The following DLG2 variants were observed in gnomAD, a reference collection of about 807,000 sequenced individuals.
DLG2 encodes the protein discs large MAGUK scaffold protein 2, also known as disks large homolog 2.
DLG2 carries 45 observed loss-of-function variants against 132.5 expected under a neutral mutation model. The ratio of observed to expected loss-of-function variants is 0.34; its 90% CI spans 0.27 to 0.44. The LOEUF is 0.44. DLG2 is among the 20% of genes least tolerant of loss of function. The pLI is 1.00. For missense variants in DLG2, 1,045 were observed against 1,196.9 expected, an observed-to-expected ratio of 0.87 and a Z score of 1.87; for synonymous variants, 424 against 419.6, an observed-to-expected ratio of 1.01 and a Z score of -0.13.
At chr11:83,617,911 C>G (rs1358770630) in intron 19 of DLG2, among the ~76,000 whole-genome samples, 1 of 152,096 alleles carries the variant, frequency 6.6e-6, no homozygotes, top group Non-Finnish European at 1.5e-5. Context: ...GCATGAAAAT[C>G]ACTTGACTAG....
intron 6 of DLG2, among the ~76,000 whole-genome samples, chr11:84,542,395 G>A (rs547155117): frequency 1.6e-4 from 25 of 152,290 alleles, no homozygotes; most frequent in African/African-American, 5.5e-4. Context: ...TAGTTTCACT[G>A]TCTCTGTTAA....
chr11:84,926,732 C>G (rs1025860529), intron 6 of DLG2, among the ~76,000 whole-genome samples: 3 of 151,838 alleles, frequency 2.0e-5, no homozygotes, highest in Non-Finnish European at 4.4e-5. Context: ...CCAACTATCC[C>G]TTGTCAGTAA....
At chr11:84,054,879 A>G (rs1318023859) in intron 11 of DLG2, among the ~76,000 whole-genome samples, 1 of 152,016 alleles carries the variant, frequency 6.6e-6, no homozygotes, top group Non-Finnish European at 1.5e-5. Context: ...CAAACTGAAA[A>G]CATTCTTGGC....
intron 18 of DLG2, among the ~76,000 whole-genome samples, chr11:83,699,937 GCA>G (rs140957816): frequency 0.051 from 7,218 of 142,180 alleles, 200 homozygotes; most frequent in Middle Eastern, 0.097. Flanking sequence ...CACCACACAT[GCA>G]CACACACACA....
chr11:85,311,929 A>G (rs965743009), intron 3 of DLG2, among the ~76,000 whole-genome samples: 7 of 152,046 alleles, frequency 4.6e-5, no homozygotes, highest in Non-Finnish European at 8.8e-5. Flanking sequence ...AATACCAAAT[A>G]TCTTTATTGG....
intron 6 of DLG2, among the ~76,000 whole-genome samples, chr11:84,919,664 G>A (rs998750421): frequency 6.6e-6 from 1 of 152,092 alleles, no homozygotes; most frequent in Non-Finnish European, 1.5e-5. Context: ...GTACATGTGG[G>A]TATGTTTGTA....
At chr11:83,859,068 G>T (rs2061009734) in intron 16 of DLG2, among the ~76,000 whole-genome samples, 1 of 152,154 alleles carries the variant, frequency 6.6e-6, no homozygotes, top group Admixed American at 6.5e-5. Context: ...TGATTGTGAG[G>T]CCTCACTAGC....
At chr11:83,467,742 T>C (rs2091295243) in intron 25 of DLG2, among the ~76,000 whole-genome samples, 1 of 130,798 alleles carries the variant, frequency 7.6e-6, no homozygotes, top group African/African-American at 2.8e-5. Flanking sequence ...AAGAGTGAAA[T>C]GCCATCTCAA....
Position 84,623,675 on chromosome 11 carries a change from C to T in DLG2, c.358-88944G>A, listed in dbSNP as rs548074874. ...ACTACACACATTTTAATAGTTACTA[C>T]CTCAATTACTTGTTTTTAATACAAT... is the stretch of plus-strand genomic sequence containing the variant. On this transcript the variant is annotated intron_variant, in intron 6 of 27. Coordinates refer to ENST00000376104, the MANE Select transcript of DLG2 (RefSeq NM_001142699.3). 3.9e-5 allele frequency among the ~76,000 whole-genome samples: 6 copies of T among 152,074 alleles called. No homozygotes were observed. In the South Asian group the frequency reaches 1.0e-3, roughly 26 times the overall value.
At chr11:83,679,835 C>G (rs1362882052) in intron 18 of DLG2, among the ~76,000 whole-genome samples, 4 of 152,144 alleles carry the variant, frequency 2.6e-5, no homozygotes, top group Non-Finnish European at 5.9e-5. Context: ...GAGGTGCAGA[C>G]AATAATACTT....
Position 84,600,223 on chromosome 11 carries a change from AG to A in DLG2, c.358-65493del, listed in dbSNP as rs1565420343. Among the ~76,000 whole-genome samples the A allele has an allele frequency of 4.3e-4, 56 of 129,320 alleles. 1 individual carries two copies. The highest frequency in any genetic ancestry group is 1.1e-3 in the South Asian group (4 of 3,646). The allele number at this position is 129,320 out of a possible 152,430, so 84.8% of individuals were successfully genotyped here. ...AAGAAAGAAAGAAAGAAAGAAAGAAAGAGAAAGAAAGACAGAAAAGCAAGCA... is the reference window on the plus strand; with the variant it reads ...AAGAAAGAAAGAAAGAAAGAAAGAAAAGAAAGAAAGACAGAAAAGCAAGCA... On this transcript the variant is annotated intron_variant, in intron 6 of 27. Transcript: ENST00000376104.
intron 19 of DLG2, among the ~76,000 whole-genome samples, chr11:83,591,729 A>G (rs191858145): frequency 0.045 from 6,784 of 151,956 alleles, 249 homozygotes; most frequent in African/African-American, 0.14. Context: ...ACATGATTGT[A>G]TATCTAGAAA....
chr11:83,738,541 AT>A (rs781347649), intron 18 of DLG2, among the ~76,000 whole-genome samples: 2 of 152,078 alleles, frequency 1.3e-5, no homozygotes, highest in Non-Finnish European at 2.9e-5. Context: ...TTTAGTTCCA[AT>A]TTCCTCTGCC....
intron 6 of DLG2, among the ~76,000 whole-genome samples, chr11:84,808,598 A>T (rs905566864): frequency 1.3e-5 from 2 of 151,950 alleles, no homozygotes; most frequent in African/African-American, 4.8e-5. Context: ...AATAGTATAA[A>T]TTACAAATAT....
At chr11:85,606,429 G>C (rs1254913875) in intron 2 of DLG2, among the ~76,000 whole-genome samples, 2 of 152,130 alleles carry the variant, frequency 1.3e-5, no homozygotes, top group Non-Finnish European at 2.9e-5. Context: ...TCTGTGTCTA[G>C]CTAAAGGTTT....
At chr11:84,589,393 C>T (rs1359758639) in intron 6 of DLG2, among the ~76,000 whole-genome samples, 1 of 151,990 alleles carries the variant, frequency 6.6e-6, no homozygotes, top group African/African-American at 2.4e-5. Context: ...CTTCTGTCTC[C>T]ATGAAAATCA....
At chr11:85,416,600 T>C (rs1362657081) in intron 3 of DLG2, among the ~76,000 whole-genome samples, 1 of 152,220 alleles carries the variant, frequency 6.6e-6, no homozygotes, top group African/African-American at 2.4e-5. Context: ...CATTTGTTTG[T>C]TTCCTCTGTC....
At chr11:84,161,145 T>C (rs1215177858) in intron 9 of DLG2, among the ~76,000 whole-genome samples, 1 of 152,100 alleles carries the variant, frequency 6.6e-6, no homozygotes, top group Admixed American at 6.5e-5. Context: ...GAGGAAAGTG[T>C]TGGCTTAACC....
At chr11:84,322,875 C>T (rs1307319641) in intron 7 of DLG2, among the ~76,000 whole-genome samples, 1 of 152,100 alleles carries the variant, frequency 6.6e-6, no homozygotes, top group African/African-American at 2.4e-5. Flanking sequence ...CAGGAGTGAG[C>T]CACCACGCCC....
Sources: gnomAD v4.1 joint callset for allele counts (sites outside exome capture counted in the v4.1 genomes callset) on GRCh38, gnomAD v4.1.1 for gene constraint, MANE v1.5 for transcripts, NCBI Gene and HGNC (gene_info 2026-07-23, HGNC 2026-07-21) for gene names.